The following SCARF1 variants were observed in gnomAD, a reference collection of about 807,000 sequenced individuals.
SCARF1 encodes acetyl LDL receptor.
A neutral mutation model predicts 76.3 loss-of-function variants in SCARF1; 49 were observed. That is an observed-to-expected ratio of 0.64 (90% CI 0.51 to 0.81). The LOEUF is 0.81. SCARF1 is among the 40% of genes least tolerant of loss of function. The pLI, the probability that SCARF1 is intolerant of heterozygous loss-of-function variation, is 0.00. For missense variants in SCARF1, 1,098 were observed against 1,143.9 expected (o/e 0.96, Z 0.58); for synonymous variants, 495 against 474.6 (o/e 1.04, Z -0.56).
chr17:1,636,725 A>G lies in SCARF1; in HGVS notation c.1617T>C (p.Cys539=). Residue 539 remains cysteine, a synonymous_variant, in exon 10 of 11, where the codon TGT becomes TGC. Transcript: ENST00000263071. ...GGGGGCTACCTTCTTGGGGTGGCAC[A>G]CAGTAGGCAGGAACCTCATCTGCCT... ...SGEADEVPAY[C]VPPQEGMVPV... is the part of the protein sequence containing the mutation. 1.2e-6 allele frequency: 2 copies of G among 1,614,030 alleles called. No homozygotes were observed. The highest frequency in any genetic ancestry group is 1.7e-6 in the Non-Finnish European group (2 of 1,179,958).
At position 1,643,502 on chromosome 17, in the gene SCARF1, C is replaced by T. The variant is rs994933726; in HGVS notation, c.731G>A (p.Arg244His). 4 of 1,344,730 alleles carry T rather than the reference C, an allele frequency of 3.0e-6. No individual in the cohort carries two copies. The highest frequency in any genetic ancestry group is 3.8e-6 in the Non-Finnish European group (4 of 1,055,068). 83.3% of individuals were successfully genotyped at this position (1,344,730 alleles called of 1,614,324 possible). A position where few individuals can be genotyped will look rare whatever the true frequency, so the allele number is the denominator to read the frequency against. Reference protein sequence around the residue: ...SGECTCPPGFRGARCELPCPA... With the variant: ...SGECTCPPGFHGARCELPCPA... ...GCAGGGCAGCTCGCAGCGCGCTCCG[C>T]GGAAGCCGGGCGGGCAGGTGCACTC... is the stretch of plus-strand genomic sequence containing the variant. The change falls in exon 4 of 11, where the codon CGC (arginine) becomes CAC (histidine). Residue 244 changes from arginine (R) to histidine (H), a missense_variant. Coordinates refer to ENST00000263071, the MANE Select transcript of SCARF1 (RefSeq NM_003693.4).
chr17:1,640,371 G>A lies in SCARF1; in HGVS notation c.1010+77C>T, dbSNP rs1269072181. 1.5e-5 allele frequency: 20 copies of A among 1,302,114 alleles called. No individual in the cohort carries two copies. The highest frequency in any genetic ancestry group is 2.0e-5 in the Non-Finnish European group (19 of 936,680). The allele number at this position is 1,302,114 out of a possible 1,614,324, so 80.7% of individuals were successfully genotyped here. On this transcript the variant is annotated intron_variant, in intron 5 of 10. Transcript: ENST00000263071. The surrounding 1 kb of genome is among the most constrained non-coding windows in gnomAD (Gnocchi z 4.7). ...ATGAACCTGTGTGTCGGGGAGGGTG[G>A]TGCTCTCGGAGAGAGCCGCTGAGCT... is the stretch of plus-strand genomic sequence containing the variant.
rs1439822326 is a variant in SCARF1, at chr17:1,634,375, G to A, written c.*383C>T. 5.5e-6 allele frequency: 2 copies of A among 366,312 alleles called. No homozygotes were observed. The highest frequency in any genetic ancestry group is 2.2e-5 in the African/African-American group (1 of 45,828). The allele number at this position is 366,312 out of a possible 1,614,324, so 22.7% of individuals were successfully genotyped here. On this transcript the variant is annotated 3_prime_UTR_variant, in exon 11 of 11. Transcript: ENST00000263071. ...CTGCACTCCAGCCTGGGGGACAGAG[G>A]GAGATTCTGTCTCAAAAAAAAAAAA...
At chr17:1,638,953 T>C in intron 7 of SCARF1, 27 bp from the exon 8 acceptor site, 1 of 1,563,766 alleles carries the variant, frequency 6.4e-7, no homozygotes, top group Non-Finnish European at 8.7e-7. Context: ...CGGGGGATAT[T>C]CAGGCCTTCC....
In SCARF1 at chr17:1,635,134, C is replaced by T. The variant is rs147793367; in HGVS notation, c.2117G>A (p.Arg706His). 14 of 1,613,532 alleles carry T rather than the reference C, an allele frequency of 8.7e-6. No individual in the cohort carries two copies. Among genetic ancestry groups the T allele is most frequent in the Middle Eastern group, 3.3e-4 (2 of 6,084 alleles). Residue 706 changes from arginine to histidine, a missense_variant, in exon 11 of 11, where the codon CGC (arginine) becomes CAC (histidine). Physicochemically the swap from Arg to His is conservative, Grantham distance 29 (BLOSUM62 0). Transcript: ENST00000263071. The part of the protein sequence containing the change: ...GKPRGSEGPV[R>H]SVFRHFGSFQ... ...GCTACCAAAATGGCGGAAGACAGAG[C>T]GGACAGGGCCTTCGGATCCGCGGGG...
In SCARF1 at chr17:1,635,543, C is replaced by T. The variant is rs767872666; in HGVS notation, c.1708G>A (p.Ala570Thr). 3.1e-6 allele frequency: 5 copies of T among 1,612,774 alleles called. No homozygotes were observed. Among genetic ancestry groups the T allele is most frequent in the East Asian group, 2.2e-5 (1 of 44,884 alleles). ...AAGAFPPPEDASTPFAIPRTS... is the reference protein window; with the variant it reads ...AAGAFPPPEDTSTPFAIPRTS... ...CGCGGGATGGCGAATGGCGTGGAGG[C>T]GTCCTCAGGGGGCGGGAAAGCACCT... Residue 570 changes from alanine (A) to threonine (T), a missense_variant, in exon 11 of 11, where the codon GCC (alanine) becomes ACC (threonine). Ala to Thr is a moderately conservative substitution (Grantham distance 58). Coordinates refer to ENST00000263071, the MANE Select transcript of SCARF1 (RefSeq NM_003693.4).
Position 1,636,768 on chromosome 17 carries a change from G to T in SCARF1, c.1574C>A (p.Ser525Tyr). The T allele has an allele frequency of 6.2e-7, 1 of 1,614,126 alleles. No homozygotes were observed. The highest frequency in any genetic ancestry group is 1.3e-5 in the African/African-American group (1 of 75,024). The change falls in exon 10 of 11, where the codon TCC (serine) becomes TAC (tyrosine). Residue 525 changes from serine to tyrosine, a missense_variant. Transcript: ENST00000263071. ...AGWATDDSFS[S>Y]DPESGEADEV... ...ATCTGCCTCTCCAGACTCAGGATCG[G>T]ATGAGAAGGAGTCATCAGTGGCCCA... is the stretch of plus-strand genomic sequence containing the variant.
In SCARF1 at chr17:1,645,440, C is replaced by T; in HGVS notation, c.101+157G>A. The T allele has an allele frequency of 6.6e-7, 1 of 1,504,258 alleles. No homozygotes were observed. The highest frequency in any genetic ancestry group is 1.2e-5 in the South Asian group (1 of 83,094). 93.2% of individuals were successfully genotyped at this position (1,504,258 alleles called of 1,614,324 possible). On this transcript the variant is annotated intron_variant, in intron 1 of 10. Coordinates refer to ENST00000263071, the MANE Select transcript of SCARF1 (RefSeq NM_003693.4). This position sits in a 1 kb window ranked among gnomAD's most constrained non-coding sequence, Gnocchi z 6.3. ...ACCATCTGCCCTGGCTGGCCACTACCTGCCAGACCGCCATCAGCAGTCCCT... is the reference window on the plus strand; with the variant it reads ...ACCATCTGCCCTGGCTGGCCACTACTTGCCAGACCGCCATCAGCAGTCCCT...
In SCARF1 at chr17:1,644,563, T is replaced by G. The variant is rs1910359325; in HGVS notation, c.265+271A>C. 1 of 582,876 alleles carries G rather than the reference T, an allele frequency of 1.7e-6. No homozygotes were observed. Among genetic ancestry groups the G allele is most frequent in the African/African-American group, 1.9e-5 (1 of 53,546 alleles). 36.1% of individuals were successfully genotyped at this position (582,876 alleles called of 1,614,324 possible). On this transcript the variant is annotated intron_variant, in intron 3 of 10. Transcript: ENST00000263071. The surrounding 1 kb of genome is among the most constrained non-coding windows in gnomAD (Gnocchi z 4.8). ...GGCAAGTAATACACTCATTTTACAA[T>G]GAAGGGGAATCACAGGTTTTCTGAG...
Position 1,643,461 on chromosome 17 carries a change from C to A in SCARF1, c.772G>T (p.Gly258Trp). The A allele has an allele frequency of 7.7e-7, 1 of 1,294,032 alleles. No homozygotes were observed. Among genetic ancestry groups the A allele is most frequent in the Non-Finnish European group, 9.7e-7 (1 of 1,026,228 alleles). 80.2% of individuals were successfully genotyped at this position (1,294,032 alleles called of 1,614,324 possible). The part of the protein sequence containing the change: ...CELPCPAGSH[G>W]VQCAHSCGRC... ...GCTCACCTGTGTGCGCACTGCACCC[C>A]GTGGCTGCCTGCCGGGCAGGGCAGC... The change falls in exon 4 of 11, where the codon GGG becomes TGG. Residue 258 changes from glycine (G) to tryptophan (W), a missense_variant. Coordinates refer to ENST00000263071, the MANE Select transcript of SCARF1 (RefSeq NM_003693.4).
intron 4 of SCARF1, among the ~76,000 whole-genome samples, chr17:1,642,378 C>T (rs1019376601): frequency 7.6e-6 from 1 of 130,904 alleles, no homozygotes; most frequent in Admixed American, 9.0e-5. Context: ...TATTCCCCTT[C>T]CTGTGTCCAT....
Position 1,643,950 on chromosome 17 carries a change from A to G in SCARF1, c.283T>C (p.Trp95Arg). 7.5e-7 allele frequency: 1 copy of G among 1,342,178 alleles called. No homozygotes were observed. The highest frequency in any genetic ancestry group is 9.5e-7 in the Non-Finnish European group (1 of 1,049,436). 83.1% of individuals were successfully genotyped at this position (1,342,178 alleles called of 1,614,324 possible). A position where few individuals can be genotyped will look rare whatever the true frequency, so the allele number is the denominator to read the frequency against. The part of the protein sequence containing the change: ...HCSSRCPGQY[W>R]GPDCRESCPC... ...CAGCTCTCACGGCAGTCGGGGCCCC[A>G]GTACTGGCCCGGGCAGCCTGCGGGG... Residue 95 changes from tryptophan (W) to arginine (R), a missense_variant, in exon 4 of 11, where the codon TGG becomes CGG. Physicochemically the swap from Trp to Arg is moderately radical, Grantham distance 101. Coordinates refer to ENST00000263071, the MANE Select transcript of SCARF1 (RefSeq NM_003693.4).
rs1417112286 is a variant in SCARF1, at chr17:1,644,836, G to T, written c.263C>A (p.Ser88Tyr). ...TTCATCTGGCCCTTGAGACTCACGG[G>T]AGCTGCAGTGGGCCCCAAAGAATCC... Reference protein sequence around the residue: ...KPGFFGAHCSSRCPGQYWGPD... With the variant: ...KPGFFGAHCSYRCPGQYWGPD... Residue 88 changes from serine to tyrosine, a missense_variant and splice_region_variant, in exon 3 of 11, where the codon TCC (serine) becomes TAC (tyrosine). Coordinates refer to ENST00000263071, the MANE Select transcript of SCARF1 (RefSeq NM_003693.4). This position sits in a 1 kb window ranked among gnomAD's most constrained non-coding sequence, Gnocchi z 4.8. 3 of 1,612,044 alleles carry T rather than the reference G, an allele frequency of 1.9e-6. No homozygotes were observed. The highest frequency in any genetic ancestry group is 1.7e-5 in the Admixed American group (1 of 59,820).
intron 8 of SCARF1, chr17:1,637,994 G>C (rs1909724061): frequency 6.6e-6 from 1 of 152,246 alleles, no homozygotes; most frequent in Non-Finnish European, 1.5e-5. Flanking sequence ...GCACAGAGGA[G>C]GATGTGCTAT....
rs948285644 is a variant in SCARF1, at chr17:1,640,561, A to G, written c.897T>C (p.Pro299=). Residue 299 remains proline, a synonymous_variant, in exon 5 of 11, where the codon CCT becomes CCC. Transcript: ENST00000263071. This position sits in a 1 kb window ranked among gnomAD's most constrained non-coding sequence, Gnocchi z 4.7. ...GTTCGCAGCTCTCGCCAAAGGTGCC[A>G]GGCAGGCAGGGCTGCTGGCACTGGG... ...NGTQCQQPCL[P]GTFGESCEQQ... 6.2e-7 allele frequency: 1 copy of G among 1,610,082 alleles called. No individual in the cohort carries two copies. Among genetic ancestry groups the G allele is most frequent in the Non-Finnish European group, 8.5e-7 (1 of 1,178,712 alleles).
At chr17:1,637,162 GCTT>G in intron 8 of SCARF1, 100 bp from the exon 9 acceptor site, 2 of 1,259,014 alleles carry the variant, frequency 1.6e-6, no homozygotes, top group Non-Finnish European at 2.2e-6. Context: ...TACTTCAGTG[GCTT>G]CAGTGGCTCT....
In SCARF1 at chr17:1,639,720, C is replaced by A; in HGVS notation, c.1162G>T (p.Gly388Cys). The A allele has an allele frequency of 6.3e-7, 1 of 1,597,634 alleles. No homozygotes were observed. ...ACTGAGCAGTTGTTTCCATGGAAAC[C>A]GGCTGGGCAGGAGGCGTTGCAGCTA... Reference protein sequence around the residue: ...GPSCNASCPAGFHGNNCSVPC... With the variant: ...GPSCNASCPACFHGNNCSVPC... Residue 388 changes from glycine to cysteine, a missense_variant, in exon 7 of 11, where the codon GGT (glycine) becomes TGT (cysteine). Coordinates refer to ENST00000263071, the MANE Select transcript of SCARF1 (RefSeq NM_003693.4).
Position 1,640,169 on chromosome 17 carries a change from A to C in SCARF1, c.1011-129T>G. ...TGGCCACTCCTCAGCAGTGAAGCTC[A>C]GGTGCAAATAGGGCCTTGAACTTGG... On this transcript the variant is annotated intron_variant, in intron 5 of 10. Coordinates refer to ENST00000263071, the MANE Select transcript of SCARF1 (RefSeq NM_003693.4). The surrounding 1 kb of genome is among the most constrained non-coding windows in gnomAD (Gnocchi z 4.7). The C allele has an allele frequency of 4.5e-6, 5 of 1,102,412 alleles. No individual in the cohort carries two copies. Among genetic ancestry groups the C allele is most frequent in the Non-Finnish European group, 6.4e-6 (5 of 780,668 alleles). The allele number at this position is 1,102,412 out of a possible 1,614,324, so 68.3% of individuals were successfully genotyped here.
rs1909928118 is a variant in SCARF1 at position 1,640,270 on chromosome 17, T to C, written c.1010+178A>G. ...CAGGAAGCCTCAGAGGGGAGGGAGC[T>C]GGGATCCTGCCCAGGCCCCCCCAGA... On this transcript the variant is annotated intron_variant, in intron 5 of 10. Transcript: ENST00000263071. The surrounding 1 kb of genome is among the most constrained non-coding windows in gnomAD (Gnocchi z 4.7). 2 of 766,158 alleles carry C rather than the reference T, an allele frequency of 2.6e-6. No individual in the cohort carries two copies. Among genetic ancestry groups the C allele is most frequent in the South Asian group, 1.9e-5 (1 of 53,912 alleles). The allele number at this position is 766,158 out of a possible 1,614,324, so 47.5% of individuals were successfully genotyped here. A position where few individuals can be genotyped will look rare whatever the true frequency, so the allele number is the denominator to read the frequency against.
Sources: allele counts gnomAD v4.1 joint callset (sites outside exome capture counted in the v4.1 genomes callset), GRCh38; gene constraint gnomAD v4.1.1; non-coding constraint Gnocchi (gnomAD v3.1); transcripts MANE v1.5; gene names NCBI Gene and HGNC (gene_info 2026-07-23, HGNC 2026-07-21).